The following LRRC4C variants were observed in gnomAD, a reference collection of about 807,000 sequenced individuals.
LRRC4C encodes leucine-rich repeat-containing protein 4C.
In LRRC4C, 5 loss-of-function variants were observed where a neutral mutation model predicts 33.6. That is an observed-to-expected ratio of 0.15 (90% CI 0.08 to 0.31). LRRC4C has a LOEUF of 0.31. LRRC4C is among the 10% of genes least tolerant of loss of function. LRRC4C has a pLI of 1.00. For synonymous variants in LRRC4C, 329 were observed against 302.0 expected (o/e 1.09, Z -0.93); for missense variants, 560 against 796.7 (o/e 0.70, Z 3.58).
intron 1 of LRRC4C, among the ~76,000 whole-genome samples, chr11:41,085,235 G>T (rs1939876717): frequency 6.6e-6 from 1 of 152,010 alleles, no homozygotes; most frequent in African/African-American, 2.4e-5. Flanking sequence ...AAATCCTCTT[G>T]AACATTGATA....
intron 5 of LRRC4C, among the ~76,000 whole-genome samples, chr11:40,212,577 C>A (rs968975849): frequency 4.0e-5 from 6 of 151,888 alleles, no homozygotes; most frequent in African/African-American, 1.5e-4. Flanking sequence ...TAGATTGGGT[C>A]TTTGCTCCCA....
intron 2 of LRRC4C, among the ~76,000 whole-genome samples, chr11:40,779,369 G>T (rs1255385574): frequency 1.3e-5 from 2 of 152,038 alleles, no homozygotes; most frequent in Admixed American, 1.3e-4. Context: ...GCCTATCTTG[G>T]CATGGGGAGT....
At chr11:40,810,636 C>T (rs919042439) in intron 2 of LRRC4C, among the ~76,000 whole-genome samples, 1 of 152,118 alleles carries the variant, frequency 6.6e-6, no homozygotes, top group Admixed American at 6.6e-5. Context: ...TCCTTCCATT[C>T]CCTTCTTCAA....
intron 2 of LRRC4C, among the ~76,000 whole-genome samples, chr11:40,730,527 G>T (rs1947512881): frequency 6.7e-6 from 1 of 149,482 alleles, no homozygotes; most frequent in South Asian, 2.1e-4. Flanking sequence ...AATAAACTGA[G>T]ACTTAAAGGC....
At chr11:40,846,227 G>C (rs1427543691) in intron 2 of LRRC4C, among the ~76,000 whole-genome samples, 1 of 151,980 alleles carries the variant, frequency 6.6e-6, no homozygotes, top group East Asian at 1.9e-4. Flanking sequence ...CATTGCTTTT[G>C]GTGTTTTAGT....
intron 2 of LRRC4C, among the ~76,000 whole-genome samples, chr11:40,888,424 T>C (rs1184990544): frequency 1.3e-5 from 2 of 151,974 alleles, no homozygotes; most frequent in African/African-American, 4.8e-5. Context: ...TGCATGTATA[T>C]GTTCGAAGAT....
At chr11:40,158,489 C>A (rs1246431215) in intron 5 of LRRC4C, among the ~76,000 whole-genome samples, 1 of 151,706 alleles carries the variant, frequency 6.6e-6, no homozygotes, top group Non-Finnish European at 1.5e-5. Flanking sequence ...GGTCTTTAGT[C>A]CCTAAGAACA....
In LRRC4C at chr11:41,115,004, T is replaced by C. The variant is rs1480804087; in HGVS notation, c.-495-181281A>G. The stretch of plus-strand genomic sequence containing the variant: ...GGCCGGGATAAAACAGGACTGGCCA[T>C]TTTTTCATAACTGTTGAAGGCAGGT... On this transcript the variant is annotated intron_variant, in intron 1 of 6. Transcript: ENST00000528697. 2.0e-5 allele frequency among the ~76,000 whole-genome samples: 3 copies of C among 152,106 alleles called. No homozygotes were observed. In the East Asian group the frequency reaches 5.8e-4, roughly 29 times the overall value.
intron 3 of LRRC4C, among the ~76,000 whole-genome samples, chr11:40,601,067 A>C (rs562884728): frequency 1.4e-3 from 217 of 152,322 alleles, no homozygotes; most frequent in Middle Eastern, 3.4e-3. Context: ...ATGCAACACT[A>C]TCTGACTCAT....
At chr11:40,694,069 C>G (rs1224045863) in intron 2 of LRRC4C, among the ~76,000 whole-genome samples, 1 of 152,136 alleles carries the variant, frequency 6.6e-6, no homozygotes, top group Non-Finnish European at 1.5e-5. Context: ...AGCATACTAG[C>G]TCTGTTACCT....
At chr11:40,421,742 G>A (rs1294863607) in intron 3 of LRRC4C, among the ~76,000 whole-genome samples, 1 of 152,156 alleles carries the variant, frequency 6.6e-6, no homozygotes, top group Non-Finnish European at 1.5e-5. Context: ...TATATTTTCT[G>A]TCACTGGACC....
intron 1 of LRRC4C, among the ~76,000 whole-genome samples, chr11:41,296,994 T>A (rs1391940793): frequency 6.6e-6 from 1 of 152,210 alleles, no homozygotes; most frequent in Non-Finnish European, 1.5e-5. Flanking sequence ...TTTTATTCCA[T>A]TGATTATAAT....
chr11:40,226,943 T>G (rs1864843552), intron 5 of LRRC4C, among the ~76,000 whole-genome samples: 1 of 152,226 alleles, frequency 6.6e-6, no homozygotes, highest in African/African-American at 2.4e-5. Context: ...TATCTCAGGA[T>G]GCTGGAAGAT....
chr11:40,344,215 C>T (rs998543936), intron 3 of LRRC4C, among the ~76,000 whole-genome samples: 47 of 152,030 alleles, frequency 3.1e-4, no homozygotes, highest in Non-Finnish European at 8.8e-5. Flanking sequence ...AAACTTTAAG[C>T]CAACATTCCT....
At chr11:40,984,959 T>G (rs1852892317) in intron 1 of LRRC4C, among the ~76,000 whole-genome samples, 1 of 129,560 alleles carries the variant, frequency 7.7e-6, no homozygotes, top group African/African-American at 2.9e-5. Context: ...TGGAGTGCAG[T>G]GGTGCGATCT....
At chr11:40,528,478 TA>T (rs551637265) in intron 3 of LRRC4C, among the ~76,000 whole-genome samples, 212 of 137,838 alleles carry the variant, frequency 1.5e-3, no homozygotes, top group African/African-American at 4.2e-3. Flanking sequence ...ATGTCTTTTA[TA>T]AAAAAAAAAA....
At chr11:40,577,711 T>C (rs1158700614) in intron 3 of LRRC4C, among the ~76,000 whole-genome samples, 2 of 151,780 alleles carry the variant, frequency 1.3e-5, no homozygotes, top group African/African-American at 4.8e-5. Context: ...CAAGCAATAA[T>C]AACAACAACA....
At chr11:41,103,058 TA>T (rs1355353805) in intron 1 of LRRC4C, among the ~76,000 whole-genome samples, 3 of 151,920 alleles carry the variant, frequency 2.0e-5, no homozygotes, top group African/African-American at 7.2e-5. Context: ...GTTTATTTTT[TA>T]AAAAAAGCAT....
At chr11:41,405,496 A>C (rs934998520) in intron 1 of LRRC4C, among the ~76,000 whole-genome samples, 9 of 152,140 alleles carry the variant, frequency 5.9e-5, no homozygotes, top group African/African-American at 2.2e-4. Context: ...TGTTGGAAAA[A>C]TAAGAACAAA....
Sources: gnomAD v4.1 joint callset for allele counts (sites outside exome capture counted in the v4.1 genomes callset) on GRCh38, gnomAD v4.1.1 for gene constraint, MANE v1.5 for transcripts, NCBI Gene and HGNC (gene_info 2026-07-23, HGNC 2026-07-21) for gene names.